The following MRAP2 variants were observed in gnomAD, a reference collection of about 807,000 sequenced individuals.
The protein encoded by MRAP2 is melanocortin 2 receptor accessory protein 2.
Under a neutral mutation model 17.4 loss-of-function variants are expected in MRAP2, and 20 were observed. The ratio of observed to expected loss-of-function variants is 1.15; its 90% CI spans 0.81 to 1.67. The LOEUF (loss-of-function observed/expected upper bound fraction) is 1.67, where lower values mean the gene tolerates loss of function less well. Among genes scored for constraint, MRAP2 ranks in the 40% most tolerant of loss-of-function variants. MRAP2 has a pLI of 0.00. For missense variants in MRAP2, 238 were observed against 240.0 expected, an observed-to-expected ratio of 0.99 and a Z score of 0.05; for synonymous variants, 96 against 88.4, an observed-to-expected ratio of 1.09 and a Z score of -0.48.
the MRAP2 span, among the ~76,000 whole-genome samples, chr6:84,133,116 T>C: frequency 1.3e-5 from 2 of 152,168 alleles, no homozygotes; most frequent in African/African-American, 4.8e-5. Flanking sequence ...GGGAGTTTGC[T>C]TGAGGTCCAC....
intron 3 of MRAP2, among the ~76,000 whole-genome samples, chr6:84,074,210 C>T (rs2099497025): frequency 6.6e-6 from 1 of 152,176 alleles, no homozygotes; most frequent in African/African-American, 2.4e-5. Flanking sequence ...TCTATCCCAG[C>T]TTCACCTTGG....
rs773098146 is a variant in MRAP2 at position 84,089,130 on chromosome 6, C to A, written c.267C>A (p.Ser89Arg). The A allele has an allele frequency of 6.2e-7, 1 of 1,614,078 alleles. No individual in the cohort carries two copies. Among genetic ancestry groups the A allele is most frequent in the South Asian group, 1.1e-5 (1 of 91,078 alleles). ...CAGAGAAGAGATTCAGAATGAACAG[C>A]TTTGTGTCAGACTTTGGAAGACCTC... ...ESSEKRFRMN[S>R]FVSDFGRPLE... The change falls in exon 4 of 4, where the codon AGC becomes AGA. Residue 89 changes from serine to arginine, a missense_variant. Coordinates refer to ENST00000257776, the MANE Select transcript of MRAP2 (RefSeq NM_138409.4).
the MRAP2 span, among the ~76,000 whole-genome samples, chr6:84,121,460 A>G: frequency 6.6e-6 from 1 of 152,190 alleles, no homozygotes; most frequent in Non-Finnish European, 1.5e-5. Context: ...CCTGGCCAAC[A>G]TGGTGAAACC....
chr6:84,068,263 G>A (rs1488256371), intron 3 of MRAP2, among the ~76,000 whole-genome samples: 1 of 152,138 alleles, frequency 6.6e-6, no homozygotes, highest in Non-Finnish European at 1.5e-5. Flanking sequence ...TTATATACTA[G>A]TACCACACTG....
At chr6:84,139,050 G>A in the MRAP2 span, among the ~76,000 whole-genome samples, 1 of 152,268 alleles carries the variant, frequency 6.6e-6, no homozygotes, top group African/African-American at 2.4e-5. Flanking sequence ...ATCAAAGAAC[G>A]GGATGTGCAG....
At chr6:84,081,360 G>A (rs1407759547) in intron 3 of MRAP2, among the ~76,000 whole-genome samples, 3 of 152,228 alleles carry the variant, frequency 2.0e-5, no homozygotes, top group Non-Finnish European at 2.9e-5. Context: ...GTGTCGGTAT[G>A]TTTTGATTCT....
intron 2 of MRAP2, chr6:84,062,577 T>C (rs1316147585): frequency 1.0e-6 from 1 of 985,316 alleles, no homozygotes; most frequent in Non-Finnish European, 1.2e-6. Flanking sequence ...ATTTTCTAAC[T>C]CAAAACACAT....
chr6:84,102,547 G>C, the MRAP2 span, among the ~76,000 whole-genome samples: 1 of 152,194 alleles, frequency 6.6e-6, no homozygotes, highest in East Asian at 1.9e-4. Context: ...CCAGAAAAGA[G>C]CACAGTCTTG....
the MRAP2 span, among the ~76,000 whole-genome samples, chr6:84,122,219 TAC>T: frequency 2.0e-5 from 3 of 151,810 alleles, no homozygotes; most frequent in East Asian, 5.8e-4. Flanking sequence ...ATTCTATAAA[TAC>T]AGTGTCACCC....
downstream of MRAP2, among the ~76,000 whole-genome samples, chr6:84,094,372 T>C (rs1226341207): frequency 2.0e-5 from 3 of 152,220 alleles, no homozygotes; most frequent in Non-Finnish European, 4.4e-5. Context: ...TCCTGATTCC[T>C]CTTCACTTAA....
chr6:84,065,950 C>G (rs1488634243), intron 3 of MRAP2, among the ~76,000 whole-genome samples: 2 of 151,988 alleles, frequency 1.3e-5, no homozygotes, highest in African/African-American at 4.8e-5. Context: ...TTGGGACTTG[C>G]TGGTCCCCAA....
At chr6:84,035,110 G>C (rs1034710843) in intron 1 of MRAP2, among the ~76,000 whole-genome samples, 1 of 152,182 alleles carries the variant, frequency 6.6e-6, no homozygotes, top group African/African-American at 2.4e-5. Context: ...AAAAGGAAGA[G>C]TTGCTTCCAG....
intron 3 of MRAP2, 73 bp from the exon 4 acceptor site, chr6:84,089,018 G>C (rs1045183588): frequency 1.3e-6 from 2 of 1,504,766 alleles, no homozygotes; most frequent in South Asian, 1.3e-5. Context: ...CCTGCCCTAC[G>C]TGCAGAAAAC....
At chr6:84,108,637 T>TG in the MRAP2 span, among the ~76,000 whole-genome samples, 2 of 152,200 alleles carry the variant, frequency 1.3e-5, no homozygotes, top group Non-Finnish European at 2.9e-5. Flanking sequence ...GTTGTCTGTT[T>TG]ACTCTGTGGA....
the MRAP2 span, among the ~76,000 whole-genome samples, chr6:84,127,457 T>C: frequency 6.6e-6 from 1 of 152,088 alleles, no homozygotes; most frequent in Admixed American, 6.6e-5. Flanking sequence ...CAAAGAACTA[T>C]ACAGACTATA....
the MRAP2 span, among the ~76,000 whole-genome samples, chr6:84,120,913 C>T: frequency 6.6e-6 from 1 of 152,126 alleles, no homozygotes; most frequent in Admixed American, 6.6e-5. Flanking sequence ...TTACTGAGCA[C>T]TTGAAATATG....
chr6:84,052,135 A>T (rs1225035597), intron 1 of MRAP2, among the ~76,000 whole-genome samples: 2 of 152,244 alleles, frequency 1.3e-5, no homozygotes, highest in East Asian at 3.9e-4. Context: ...GTTATTTTTC[A>T]TGACTCTAAT....
At chr6:84,108,649 A>T in the MRAP2 span, among the ~76,000 whole-genome samples, 71 of 152,212 alleles carry the variant, frequency 4.7e-4, no homozygotes, top group African/African-American at 1.7e-3. Flanking sequence ...CTCTGTGGAT[A>T]ATTTCTTTTT....
At chr6:84,065,128 T>C (rs1386385942) in intron 3 of MRAP2, among the ~76,000 whole-genome samples, 1 of 151,840 alleles carries the variant, frequency 6.6e-6, no homozygotes, top group Non-Finnish European at 1.5e-5. Context: ...CTACAAAAAA[T>C]ACAAAAATCA....
Sources: gnomAD v4.1 joint callset for allele counts (sites outside exome capture counted in the v4.1 genomes callset) on GRCh38, gnomAD v4.1.1 for gene constraint, MANE v1.5 for transcripts, NCBI Gene and HGNC (gene_info 2026-07-23, HGNC 2026-07-21) for gene names.